The following ZFP64 variants were observed in gnomAD, a reference collection of about 807,000 sequenced individuals.
The protein encoded by ZFP64 is zinc finger protein 64.
A neutral mutation model predicts 51.6 loss-of-function variants in ZFP64; 14 were observed. The ratio of observed to expected loss-of-function variants is 0.27; its 90% CI spans 0.18 to 0.42. The LOEUF is 0.42. Ranked by LOEUF, ZFP64 falls within the 10% of genes least tolerant of loss-of-function variation. The pLI, the probability that ZFP64 is intolerant of heterozygous loss-of-function variation, is 1.00. For missense variants in ZFP64, 754 were observed against 906.8 expected, an observed-to-expected ratio of 0.83 and a Z score of 2.16; for synonymous variants, 375 against 361.4, an observed-to-expected ratio of 1.04 and a Z score of -0.43.
chr20:52,188,009 GA>G (rs1385936437), intron 1 of ZFP64, among the ~76,000 whole-genome samples: 1 of 152,144 alleles, frequency 6.6e-6, no homozygotes, highest in African/African-American at 2.4e-5. Flanking sequence ...CACACAGCTG[GA>G]GGAGTTTCTG....
chr20:52,179,849 G>A (rs150163540), intron 2 of ZFP64, among the ~76,000 whole-genome samples: 9 of 152,268 alleles, frequency 5.9e-5, no homozygotes, highest in Non-Finnish European at 1.2e-4. Flanking sequence ...CAGCAAGTGG[G>A]GCTAATTCTA....
chr20:52,174,764 T>C (rs1428192009), intron 2 of ZFP64, among the ~76,000 whole-genome samples: 1 of 152,230 alleles, frequency 6.6e-6, no homozygotes, highest in Non-Finnish European at 1.5e-5. Flanking sequence ...CCCTCATTTC[T>C]TTGGGTACAT....
At chr20:52,089,696 G>A (rs554387814) in intron 7 of ZFP64, among the ~76,000 whole-genome samples, 7 of 149,672 alleles carry the variant, frequency 4.7e-5, no homozygotes, top group East Asian at 4.0e-4. Flanking sequence ...AGCACAGATC[G>A]TGCCACTGCA....
intron 5 of ZFP64, chr20:52,098,730 G>A (rs1029109483): frequency 2.3e-5 from 25 of 1,108,374 alleles, no homozygotes; most frequent in South Asian, 1.1e-4. Flanking sequence ...GTGACCAGGC[G>A]GGGTGGCTCA....
chr20:52,141,845 T>C (rs1397552083), intron 5 of ZFP64, among the ~76,000 whole-genome samples: 1 of 152,226 alleles, frequency 6.6e-6, no homozygotes, highest in Admixed American at 6.5e-5. Flanking sequence ...CCAACAGCAT[T>C]GGATGCTGCA....
At chr20:52,086,770 G>A (rs923086918) in intron 8 of ZFP64, among the ~76,000 whole-genome samples, 23 of 152,060 alleles carry the variant, frequency 1.5e-4, no homozygotes, top group African/African-American at 3.6e-4. Context: ...GAGCCACCGC[G>A]CCCGGCCCTT....
chr20:52,148,418 T>G (rs1404470402), downstream of ZFP64, among the ~76,000 whole-genome samples: 2 of 152,160 alleles, frequency 1.3e-5, no homozygotes, highest in African/African-American at 4.8e-5. Context: ...TCATAACATA[T>G]AAATATGAGT....
At chr20:52,146,526 C>T (rs1980536713), downstream of ZFP64, among the ~76,000 whole-genome samples, 1 of 137,510 alleles carries the variant, frequency 7.3e-6, no homozygotes, top group Admixed American at 8.4e-5. Flanking sequence ...GGGAATTGAA[C>T]AATGAGAACA....
chr20:52,116,312 T>G (rs1258769453), intron 5 of ZFP64, among the ~76,000 whole-genome samples: 1 of 151,740 alleles, frequency 6.6e-6, no homozygotes, highest in East Asian at 1.9e-4. Flanking sequence ...ATTTTTGTAT[T>G]TTTAGTAGAG....
At chr20:52,098,567 C>A (rs1159049651) in exon 6 of ZFP64, 1 of 1,614,038 alleles carries the variant, frequency 6.2e-7, no homozygotes, top group Admixed American at 1.7e-5. Context: ...GCTTTTGGAA[C>A]ATCATCATCA....
chr20:52,084,488 T>C, exon 9 of ZFP64: 5 of 1,459,316 alleles, frequency 3.4e-6, no homozygotes, highest in Non-Finnish European at 4.6e-6. Context: ...CTCAGTGGCC[T>C]CACCTCTGGA....
intron 5 of ZFP64, among the ~76,000 whole-genome samples, chr20:52,103,364 C>A (rs1266903197): frequency 6.6e-6 from 1 of 152,162 alleles, no homozygotes; most frequent in Non-Finnish European, 1.5e-5. Context: ...AAAATGTACC[C>A]CCTTGCCAGT....
At chr20:52,167,295 A>C (rs963716810) in intron 2 of ZFP64, among the ~76,000 whole-genome samples, 3 of 152,172 alleles carry the variant, frequency 2.0e-5, no homozygotes, top group African/African-American at 7.2e-5. Flanking sequence ...GTTACACTCC[A>C]GCCTGGGCGA....
rs1982090504 is a variant in ZFP64, at chr20:52,164,638, C to CGAG, written c.511+56_511+57insCTC. 9 of 1,434,800 alleles carry CGAG rather than the reference C, an allele frequency of 6.3e-6. No homozygotes were observed. In the Admixed American group the frequency reaches 1.5e-4, roughly 24 times the overall value. The allele number at this position is 1,434,800 out of a possible 1,614,324, so 88.9% of individuals were successfully genotyped here. On this transcript the variant is annotated intron_variant, in intron 4 of 5. Coordinates refer to ENST00000216923, the MANE Select transcript of ZFP64 (RefSeq NM_018197.3). ...CATTCGTCTGACCTATGTGGATCCC[C>CGAG]ATCTCCTAGCACAGAGCAGGTGTTG...
downstream of ZFP64, among the ~76,000 whole-genome samples, chr20:52,149,382 A>C (rs543584196): frequency 2.8e-4 from 43 of 152,308 alleles, no homozygotes; most frequent in South Asian, 7.9e-3. Flanking sequence ...GACGGACTAA[A>C]GCCTGGCATG....
At chr20:52,113,528 A>G (rs1052002404) in intron 5 of ZFP64, among the ~76,000 whole-genome samples, 2 of 144,502 alleles carry the variant, frequency 1.4e-5, no homozygotes, top group African/African-American at 2.6e-5. Context: ...CCTGCGTTCA[A>G]TCGATTTTCC....
intron 5 of ZFP64, among the ~76,000 whole-genome samples, chr20:52,103,297 A>C (rs1284142589): frequency 1.3e-5 from 2 of 152,200 alleles, no homozygotes; most frequent in African/African-American, 2.4e-5. Context: ...ATTTTCCTCC[A>C]AAAGCTACTT....
Position 52,153,212 on chromosome 20 carries a change from T to G in ZFP64, c.980A>C (p.Lys327Thr). ...GCGGCTGTGCTTCCGGAGGGTGGCT[T>G]TGCTGTCACCCAGGAAGTCGCAATG... is the stretch of plus-strand genomic sequence containing the variant. ...CPHCDFLGDS[K>T]ATLRKHSRVH... The change falls in exon 6 of 6, where the codon AAA becomes ACA. Residue 327 changes from lysine to threonine, a missense_variant. Coordinates refer to ENST00000216923, the MANE Select transcript of ZFP64 (RefSeq NM_018197.3). This position sits in a 1 kb window ranked among gnomAD's most constrained non-coding sequence, Gnocchi z 5.1. The G allele has an allele frequency of 6.2e-7, 1 of 1,614,222 alleles. No individual in the cohort carries two copies. Among genetic ancestry groups the G allele is most frequent in the Non-Finnish European group, 8.5e-7 (1 of 1,180,026 alleles).
chr20:52,181,269 T>C (rs1568704414), intron 2 of ZFP64, among the ~76,000 whole-genome samples: 1 of 152,100 alleles, frequency 6.6e-6, no homozygotes, highest in Non-Finnish European at 1.5e-5. Context: ...TATCCTCACT[T>C]TGAAATGAAT....
Sources: allele counts gnomAD v4.1 joint callset (sites outside exome capture counted in the v4.1 genomes callset), GRCh38; gene constraint gnomAD v4.1.1; non-coding constraint Gnocchi (gnomAD v3.1); transcripts MANE v1.5; gene names NCBI Gene and HGNC (gene_info 2026-07-23, HGNC 2026-07-21).